ASPRV1: variants seen among roughly 807,000 people sequenced by gnomAD.
ASPRV1 encodes the protein retroviral-like aspartic protease 1.
A neutral mutation model predicts 11.0 loss-of-function variants in ASPRV1; 7 were observed. The ratio of observed to expected loss-of-function variants is 0.64; its 90% CI spans 0.36 to 1.20. The LOEUF (loss-of-function observed/expected upper bound fraction) is 1.20, where lower values mean the gene tolerates loss of function less well. Ranked by LOEUF, ASPRV1 falls within the 50% of genes most tolerant of loss-of-function variation. The pLI, the probability that ASPRV1 is intolerant of heterozygous loss-of-function variation, is 0.02. For synonymous variants in ASPRV1, 136 were observed against 138.4 expected (o/e 0.98, Z 0.12); for missense variants, 299 against 320.0 (o/e 0.93, Z 0.50).
chr2:70,082,087 G>A, the ASPRV1 span, among the ~76,000 whole-genome samples: 1 of 151,936 alleles, frequency 6.6e-6, no homozygotes, highest in Non-Finnish European at 1.5e-5. Context: ...ACATTCACAT[G>A]CCTCAGCCTC....
chr2:70,074,595 A>C, the ASPRV1 span, among the ~76,000 whole-genome samples: 8 of 151,738 alleles, frequency 5.3e-5, no homozygotes, highest in Non-Finnish European at 1.0e-4. Flanking sequence ...TTGTTTAATG[A>C]ATAAGGACCA....
In ASPRV1 at chr2:69,960,877, T is replaced by C. The variant is rs767945598; in HGVS notation, c.560A>G (p.Gln187Arg). ...VSLGKLKLKA[Q>R]FLVANASAEE... ...GGCACTCGCATTGGCCACTAGGAAC[T>C]GTGCCTTCAGCTTCAGCTTGCCTAG... The change falls in exon 1 of 1, where the codon CAG becomes CGG. Residue 187 changes from glutamine to arginine, a missense_variant. By Grantham distance (43) the Gln-to-Arg change is conservative (BLOSUM62 1). Coordinates refer to ENST00000320256, the MANE Select transcript of ASPRV1 (RefSeq NM_152792.4). 5 of 1,614,154 alleles carry C rather than the reference T, an allele frequency of 3.1e-6. No homozygotes were observed. The East Asian group carries it at 6.7e-5, about 22-fold the overall frequency.
chr2:69,968,312 C>A, the ASPRV1 span: 1 of 152,196 alleles, frequency 6.6e-6, no homozygotes. Context: ...GTGGGTAGAT[C>A]GCTTGAGGCC....
At chr2:70,085,416 A>C in the ASPRV1 span, 13 of 152,202 alleles carry the variant, frequency 8.5e-5, no homozygotes, top group African/African-American at 3.1e-4. Flanking sequence ...TGCCTGATAC[A>C]AAAAGGGGCT....
chr2:70,001,004 T>G, the ASPRV1 span, among the ~76,000 whole-genome samples: 1 of 151,970 alleles, frequency 6.6e-6, no homozygotes, highest in African/African-American at 2.4e-5. Flanking sequence ...TCAAAAATGC[T>G]AATCCCCAGT....
At chr2:70,076,438 T>C in the ASPRV1 span, among the ~76,000 whole-genome samples, 1 of 152,246 alleles carries the variant, frequency 6.6e-6, no homozygotes, top group African/African-American at 2.4e-5. Flanking sequence ...AGCTGACATT[T>C]GGTAAGCACT....
At chr2:70,013,263 A>G in the ASPRV1 span, among the ~76,000 whole-genome samples, 1 of 152,234 alleles carries the variant, frequency 6.6e-6, no homozygotes, top group African/African-American at 2.4e-5. Context: ...GAGTTCACTG[A>G]TATGGATTCA....
At chr2:69,952,997 C>T in the ASPRV1 span, among the ~76,000 whole-genome samples, 1 of 152,246 alleles carries the variant, frequency 6.6e-6, no homozygotes, top group African/African-American at 2.4e-5. Flanking sequence ...TCCATCAGGC[C>T]TTCTGCCCTG....
chr2:69,995,327 T>A, the ASPRV1 span: 1 of 150,270 alleles, frequency 6.7e-6, no homozygotes, highest in Non-Finnish European at 1.5e-5. Context: ...AGGCGGAGCT[T>A]GCAGTGAGCC....
At chr2:70,043,806 T>A in the ASPRV1 span, among the ~76,000 whole-genome samples, 1 of 152,190 alleles carries the variant, frequency 6.6e-6, no homozygotes, top group African/African-American at 2.4e-5. Context: ...CCAGCACTCC[T>A]GGTTACATTA....
the ASPRV1 span, among the ~76,000 whole-genome samples, chr2:69,987,255 G>T: frequency 1.3e-5 from 2 of 151,918 alleles, no homozygotes; most frequent in Non-Finnish European, 1.5e-5. Flanking sequence ...CACAGAAGCC[G>T]CGATGTTCCC....
At chr2:69,964,323 C>A, upstream of ASPRV1, 1 of 455,592 alleles carries the variant, frequency 2.2e-6, no homozygotes, top group Non-Finnish European at 4.4e-6. Context: ...CATACAGTTC[C>A]CTCTGGGACC....
At chr2:70,069,443 A>G in the ASPRV1 span, 1 of 152,198 alleles carries the variant, frequency 6.6e-6, no homozygotes, top group African/African-American at 2.4e-5. Context: ...GATGCCATTT[A>G]TATGTTTTTG....
At chr2:70,085,061 G>A in the ASPRV1 span, among the ~76,000 whole-genome samples, 3,715 of 152,318 alleles carry the variant, frequency 0.024, 342 homozygotes, top group Admixed American at 0.17. Flanking sequence ...AGAGTCCACA[G>A]ACTGACCTAA....
At chr2:70,037,415 C>T in the ASPRV1 span, among the ~76,000 whole-genome samples, 1 of 152,158 alleles carries the variant, frequency 6.6e-6, no homozygotes, top group Non-Finnish European at 1.5e-5. Flanking sequence ...CCTCCGCCTC[C>T]TGCATTCAGG....
the ASPRV1 span, among the ~76,000 whole-genome samples, chr2:69,951,442 AGTGAGT>A: frequency 3.0e-4 from 31 of 103,906 alleles, no homozygotes; most frequent in Admixed American, 7.9e-4. Context: ...AAAAAAAAAA[AGTGAGT>A]GTGTGTGTGT....
At chr2:69,992,241 G>A in the ASPRV1 span, among the ~76,000 whole-genome samples, 1 of 151,974 alleles carries the variant, frequency 6.6e-6, no homozygotes, top group Non-Finnish European at 1.5e-5. Context: ...CTCTCTACTC[G>A]GCGTCTTCGC....
chr2:70,016,193 G>A, the ASPRV1 span: 1 of 152,134 alleles, frequency 6.6e-6, no homozygotes, highest in African/African-American at 2.4e-5. Context: ...AACTTTAGAA[G>A]ACTGAAATCA....
chr2:69,937,371 C>G, the ASPRV1 span: 1 of 1,610,860 alleles, frequency 6.2e-7, no homozygotes, highest in South Asian at 1.1e-5. Context: ...ACCGTCTCCT[C>G]GGAGCGCTCC....
Sources: allele counts gnomAD v4.1 joint callset (sites outside exome capture counted in the v4.1 genomes callset), GRCh38; gene constraint gnomAD v4.1.1; transcripts MANE v1.5; gene names NCBI Gene and HGNC (gene_info 2026-07-23, HGNC 2026-07-21).